Variants in SHROOM4 observed in about 807,000 individuals in gnomAD.
SHROOM4 encodes the protein shroom family member 4.
A neutral mutation model predicts 80.3 loss-of-function variants in SHROOM4; 17 were observed. That is an observed-to-expected ratio of 0.21 (90% CI 0.14 to 0.32). The LOEUF is 0.32. Ranked by LOEUF, SHROOM4 falls within the 10% of genes least tolerant of loss-of-function variation. The probability of loss-of-function intolerance (pLI) is 1.00; values close to 1 mark genes in which losing one functional copy is unlikely to be tolerated. For missense variants in SHROOM4, 993 were observed against 1,140.3 expected, an observed-to-expected ratio of 0.87 and a Z score of 1.86; for synonymous variants, 400 against 437.5, an observed-to-expected ratio of 0.91 and a Z score of 1.07.
At chrX:50,792,204 C>G (rs1438073638) in intron 1 of SHROOM4, among the ~76,000 whole-genome samples, 4 of 111,933 alleles carry the variant, frequency 3.6e-5, no homozygotes, top group Non-Finnish European at 7.5e-5. Context: ...TCTTTTAACA[C>G]AGTGAAAAGG....
At chrX:50,618,407 CCTTCCTTCCTTCCTTT>C (rs1930408694) in intron 5 of SHROOM4, among the ~76,000 whole-genome samples, 1 of 84,427 alleles carries the variant, frequency 1.2e-5, no homozygotes, top group Non-Finnish European at 2.3e-5. Context: ...TTCCTTCCTT[CCTTCCTTCCTTCCTTT>C]CTTATTTTTG....
intron 5 of SHROOM4, among the ~76,000 whole-genome samples, chrX:50,610,350 T>TCA (rs1182083540): frequency 2.6e-3 from 165 of 64,470 alleles, no homozygotes; most frequent in African/African-American, 0.012. Flanking sequence ...TCTCTCTCTC[T>TCA]CTCACACACA....
chrX:50,606,649 G>A (rs1929685096), intron 6 of SHROOM4, among the ~76,000 whole-genome samples: 1 of 109,644 alleles, frequency 9.1e-6, no homozygotes, highest in Admixed American at 9.6e-5. Flanking sequence ...GCTCAGTGGA[G>A]TGAACAAACA....
chrX:50,801,261 GGAGAGAGAGAGAGAGAGA>G (rs781878531), intron 1 of SHROOM4, among the ~76,000 whole-genome samples: 2 of 81,530 alleles, frequency 2.5e-5, no homozygotes, highest in African/African-American at 9.5e-5. Context: ...GAGAGAAAGA[GGAGAGAGAGAGAGAGAGA>G]GAGAGAGAGA....
chrX:50,748,349 A>T (rs1469397895), intron 1 of SHROOM4, among the ~76,000 whole-genome samples: 3 of 111,403 alleles, frequency 2.7e-5, no homozygotes, highest in Non-Finnish European at 5.7e-5. Context: ...AATGTAGAAA[A>T]TATCATGAGA....
chrX:50,630,906 G>C (rs1053844474), intron 4 of SHROOM4, among the ~76,000 whole-genome samples: 3 of 111,650 alleles, frequency 2.7e-5, no homozygotes, highest in Non-Finnish European at 5.6e-5. Flanking sequence ...TAGTTAAAAA[G>C]CTTTCTACCA....
intron 1 of SHROOM4, among the ~76,000 whole-genome samples, chrX:50,766,326 A>G (rs782448558): frequency 1.8e-5 from 2 of 111,116 alleles, no homozygotes; most frequent in Non-Finnish European, 3.8e-5. Flanking sequence ...CTCTTCAGAG[A>G]AAGAGGGCGA....
In SHROOM4 at chrX:50,593,149, T is replaced by C. The variant is rs1259316152; in HGVS notation, c.*3546A>G. The C allele has an allele frequency of 8.9e-6, 1 of 112,054 alleles. No individual in the cohort carries two copies. The highest frequency in any genetic ancestry group is 1.9e-5 in the Non-Finnish European group (1 of 53,206). 9.2% of individuals were successfully genotyped at this position (112,054 alleles called of 1,213,427 possible). ...CTATTTAACTGGGGATGATGAATGG[T>C]ATAGCATCAATACCATCCCTCAGAG... On this transcript the variant is annotated 3_prime_UTR_variant, in exon 9 of 9. Transcript: ENST00000376020.
intron 1 of SHROOM4, among the ~76,000 whole-genome samples, chrX:50,744,490 TATC>T (rs1451083463): frequency 8.9e-6 from 1 of 112,091 alleles, no homozygotes; most frequent in Non-Finnish European, 1.9e-5. Context: ...GATGAGTTGT[TATC>T]ATCACACTTT....
intron 1 of SHROOM4, among the ~76,000 whole-genome samples, chrX:50,795,306 T>C: frequency 9.4e-6 from 1 of 106,855 alleles, no homozygotes; most frequent in East Asian, 2.9e-4. Flanking sequence ...AGAGCCAGAT[T>C]TAGAAAGAGG....
chrX:50,740,219 T>C (rs1351228839), intron 1 of SHROOM4, among the ~76,000 whole-genome samples: 2 of 99,183 alleles, frequency 2.0e-5, no homozygotes, highest in East Asian at 6.5e-4. Context: ...CATTAGGAGA[T>C]ATACCTAATG....
chrX:50,582,448 A>G (rs1225845571), downstream of SHROOM4, among the ~76,000 whole-genome samples: 1 of 112,162 alleles, frequency 8.9e-6, no homozygotes, highest in Non-Finnish European at 1.9e-5. Context: ...TGTATTCAGC[A>G]TTCTTGGTCT....
intron 2 of SHROOM4, among the ~76,000 whole-genome samples, chrX:50,646,527 AGTGTGTGT>A (rs782016561): frequency 0.051 from 3,976 of 78,701 alleles, 285 homozygotes; most frequent in African/African-American, 0.17. Context: ...AGGGGGGAAG[AGTGTGTGT>A]GTGTGTGTGT....
At chrX:50,637,113 G>A (rs1189520550) in intron 3 of SHROOM4, among the ~76,000 whole-genome samples, 1 of 111,787 alleles carries the variant, frequency 8.9e-6, no homozygotes, top group Non-Finnish European at 1.9e-5. Flanking sequence ...GGAAGGGCTA[G>A]GATCAGATGC....
At chrX:50,768,463 C>A (rs1469342799) in intron 1 of SHROOM4, among the ~76,000 whole-genome samples, 4 of 111,811 alleles carry the variant, frequency 3.6e-5, no homozygotes, top group African/African-American at 1.3e-4. Flanking sequence ...GAATTTCCCA[C>A]CTTAGGTCTA....
At chrX:50,621,238 T>C (rs1211328626) in intron 5 of SHROOM4, among the ~76,000 whole-genome samples, 1 of 112,280 alleles carries the variant, frequency 8.9e-6, no homozygotes, top group Non-Finnish European at 1.9e-5. Flanking sequence ...CAGTGTGTCC[T>C]ATATACTTAA....
chrX:50,633,334 T>C lies in SHROOM4; in HGVS notation c.2739A>G (p.Leu913=), dbSNP rs1931152530. 8.3e-7 allele frequency: 1 copy of C among 1,209,737 alleles called. No individual in the cohort carries two copies. The highest frequency in any genetic ancestry group is 1.8e-5 in the African/African-American group (1 of 57,115). Residue 913 remains leucine (L), a synonymous_variant, in exon 4 of 9, where the codon CTA becomes CTG. Transcript: ENST00000376020. ...YCSGEICPAL[L]KRNMMPNCYN... ...AGCAATTTGGCATCATATTTCTCTTTAGCAAGGCAGGGCAGATTTCCCCAG... is the reference window on the plus strand; with the variant it reads ...AGCAATTTGGCATCATATTTCTCTTCAGCAAGGCAGGGCAGATTTCCCCAG...
At chrX:50,630,602 C>A (rs996936718) in intron 4 of SHROOM4, among the ~76,000 whole-genome samples, 1 of 110,743 alleles carries the variant, frequency 9.0e-6, no homozygotes, top group African/African-American at 3.3e-5. Flanking sequence ...TTCAAACATA[C>A]AAAAATGTTG....
chrX:50,582,465 T>A (rs1340472224), downstream of SHROOM4, among the ~76,000 whole-genome samples: 6 of 112,424 alleles, frequency 5.3e-5, no homozygotes, highest in African/African-American at 1.9e-4. Context: ...GTCTCTCATA[T>A]GACACTCCCT....
Sources: allele counts gnomAD v4.1 joint callset (sites outside exome capture counted in the v4.1 genomes callset), GRCh38; gene constraint gnomAD v4.1.1; transcripts MANE v1.5; gene names NCBI Gene and HGNC (gene_info 2026-07-23, HGNC 2026-07-21).